Variants in SPATA31H1 observed in about 807,000 individuals in gnomAD.
The protein encoded by SPATA31H1 is SPATA31 subfamily H member 1.
the SPATA31H1 span, among the ~76,000 whole-genome samples, chr2:27,550,716 G>C: frequency 6.6e-6 from 1 of 151,740 alleles, no homozygotes; most frequent in South Asian, 2.1e-4. Flanking sequence ...ACTGCGCCTG[G>C]CTGGGTGATA....
At chr2:27,554,770 C>T in the SPATA31H1 span, among the ~76,000 whole-genome samples, 4 of 152,050 alleles carry the variant, frequency 2.6e-5, no homozygotes, top group East Asian at 1.9e-4. Flanking sequence ...GACAGGGTTT[C>T]GCCATGTTGA....
At chr2:27,567,202 C>G in the SPATA31H1 span, 5 of 632,652 alleles carry the variant, frequency 7.9e-6, no homozygotes, top group South Asian at 9.8e-5. Context: ...GATCATGAGC[C>G]AAATTCTGTT....
At chr2:27,582,126 A>G in the SPATA31H1 span, 1 of 1,613,988 alleles carries the variant, frequency 6.2e-7, no homozygotes, top group Admixed American at 1.7e-5. Context: ...CTCAGAGAAG[A>G]GCCACCTCAG....
At chr2:27,566,500 T>TG in the SPATA31H1 span, 5 of 647,540 alleles carry the variant, frequency 7.7e-6, no homozygotes, top group Admixed American at 2.4e-5. Flanking sequence ...GTTTTGTCTG[T>TG]GGGGGTAGTT....
At chr2:27,558,958 G>T in the SPATA31H1 span, among the ~76,000 whole-genome samples, 1 of 144,722 alleles carries the variant, frequency 6.9e-6, no homozygotes, top group African/African-American at 2.6e-5. Flanking sequence ...AGAGGGAGAG[G>T]GAGAGCTAAA....
chr2:27,545,841 G>A, the SPATA31H1 span, among the ~76,000 whole-genome samples: 1 of 151,878 alleles, frequency 6.6e-6, no homozygotes, highest in African/African-American at 2.4e-5. Flanking sequence ...GAGATTACAG[G>A]TGTGAGCCAT....
At chr2:27,569,655 A>G in the SPATA31H1 span, 1 of 398,858 alleles carries the variant, frequency 2.5e-6, no homozygotes, top group Non-Finnish European at 4.4e-6. Flanking sequence ...TATGAAACAC[A>G]TGAATTTAAT....
At chr2:27,570,464 T>C in the SPATA31H1 span, 3 of 398,788 alleles carry the variant, frequency 7.5e-6, no homozygotes, top group Admixed American at 4.4e-5. Context: ...CAATGTTTCA[T>C]AGTGTGAATT....
At chr2:27,556,368 T>C in the SPATA31H1 span, among the ~76,000 whole-genome samples, 1 of 151,352 alleles carries the variant, frequency 6.6e-6, no homozygotes. Context: ...ACAGTTACCA[T>C]ATACTCCCTG....
At chr2:27,567,621 A>G in the SPATA31H1 span, 8 of 402,540 alleles carry the variant, frequency 2.0e-5, no homozygotes, top group South Asian at 9.8e-4. Flanking sequence ...GCCTTTAGTT[A>G]CATCAATGGG....
chr2:27,578,481 A>T, the SPATA31H1 span: 1 of 1,614,178 alleles, frequency 6.2e-7, no homozygotes. Flanking sequence ...TTTACTTCCA[A>T]GGCCACATCT....
chr2:27,548,379 A>C, the SPATA31H1 span, among the ~76,000 whole-genome samples: 12,134 of 151,672 alleles, frequency 0.08, 1,401 homozygotes, highest in African/African-American at 0.25. Flanking sequence ...AGACTGAGGC[A>C]GGAGGATTGC....
the SPATA31H1 span, chr2:27,571,977 C>T: frequency 2.5e-6 from 1 of 398,474 alleles, no homozygotes. Context: ...TGTAAACTCA[C>T]AAGAGCAGCA....
At chr2:27,574,383 G>C in the SPATA31H1 span, 88 of 398,396 alleles carry the variant, frequency 2.2e-4, 1 homozygote, top group East Asian at 2.1e-3. Context: ...GTTACAAAGT[G>C]AGAAATCTGA....
the SPATA31H1 span, chr2:27,581,933 G>A: frequency 3.0e-5 from 49 of 1,612,588 alleles, no homozygotes; most frequent in African/African-American, 5.1e-4. Context: ...GTCCCTCAGA[G>A]AAAAGCCATC....
the SPATA31H1 span, chr2:27,581,272 G>A: frequency 3.7e-6 from 6 of 1,614,038 alleles, no homozygotes; most frequent in African/African-American, 5.3e-5. Context: ...AGAAACCATC[G>A]CAGTCCCTCT....
the SPATA31H1 span, chr2:27,574,203 C>T: frequency 5.0e-6 from 2 of 398,352 alleles, no homozygotes; most frequent in South Asian, 1.3e-4. Context: ...CTCAGGCCCA[C>T]GGTTGCAAGA....
chr2:27,566,835 G>A, the SPATA31H1 span: 4 of 717,618 alleles, frequency 5.6e-6, no homozygotes, highest in Non-Finnish European at 1.0e-5. Flanking sequence ...ATGCTGTTGT[G>A]ACTATAAGAA....
the SPATA31H1 span, chr2:27,573,057 T>C: frequency 2.5e-6 from 1 of 393,550 alleles, no homozygotes; most frequent in Non-Finnish European, 4.4e-6. Flanking sequence ...AACTGTAGGG[T>C]TGAATCTTGG....
Sources: allele counts gnomAD v4.1 joint callset (sites outside exome capture counted in the v4.1 genomes callset), GRCh38; gene constraint gnomAD v4.1.1; transcripts MANE v1.5; gene names NCBI Gene and HGNC (gene_info 2026-07-23, HGNC 2026-07-21).